The following ASCC3 variants were observed in gnomAD, a reference collection of about 807,000 sequenced individuals.
ASCC3 encodes ASC-1 complex subunit P200.
Under a neutral mutation model 256.3 loss-of-function variants are expected in ASCC3, and 158 were observed. The observed-to-expected ratio is 0.62, with a 90% CI of 0.54 to 0.70. The LOEUF (loss-of-function observed/expected upper bound fraction) is 0.70. Ranked by LOEUF, ASCC3 falls within the 30% of genes least tolerant of loss-of-function variation. The probability of loss-of-function intolerance (pLI) is 0.00; values close to 1 mark genes in which losing one functional copy is unlikely to be tolerated. For missense variants in ASCC3, 2,259 were observed against 2,626.0 expected (o/e 0.86, Z 3.05); for synonymous variants, 948 against 883.4 (o/e 1.07, Z -1.30).
chr6:100,582,924 CCA>C (rs1443047268), intron 36 of ASCC3, among the ~76,000 whole-genome samples: 1 of 152,078 alleles, frequency 6.6e-6, no homozygotes, highest in African/African-American at 2.4e-5. Context: ...GCCTTGCATC[CCA>C]GAGATGAAGC....
At chr6:100,793,600 T>A (rs1303116693) in intron 8 of ASCC3, among the ~76,000 whole-genome samples, 1 of 152,012 alleles carries the variant, frequency 6.6e-6, no homozygotes, top group African/African-American at 2.4e-5. Context: ...TTTCATAAAT[T>A]TCATGAGGAA....
intron 11 of ASCC3, among the ~76,000 whole-genome samples, chr6:100,723,909 T>C: frequency 7.0e-6 from 1 of 142,300 alleles, no homozygotes; most frequent in African/African-American, 2.6e-5. Flanking sequence ...TATAATTATA[T>C]ATATGACACA....
intron 4 of ASCC3, among the ~76,000 whole-genome samples, chr6:100,839,500 T>C (rs1235783033): frequency 6.6e-6 from 1 of 152,146 alleles, no homozygotes; most frequent in Non-Finnish European, 1.5e-5. Context: ...AATAATGCTT[T>C]TTTACCCACA....
At chr6:100,539,642 C>T (rs540884264) in intron 37 of ASCC3, among the ~76,000 whole-genome samples, 4 of 152,220 alleles carry the variant, frequency 2.6e-5, no homozygotes, top group South Asian at 4.1e-4. Context: ...AGAGACCCTA[C>T]GGTTCACTCT....
At chr6:100,837,769 G>A (rs1771946669) in intron 4 of ASCC3, among the ~76,000 whole-genome samples, 1 of 152,014 alleles carries the variant, frequency 6.6e-6, no homozygotes, top group African/African-American at 2.4e-5. Flanking sequence ...TTTGGCCAAT[G>A]GGTACGAAGT....
At chr6:100,622,804 T>A (rs902796284) in intron 30 of ASCC3, among the ~76,000 whole-genome samples, 2 of 151,968 alleles carry the variant, frequency 1.3e-5, no homozygotes, top group Non-Finnish European at 2.9e-5. Context: ...GATAAAGTTT[T>A]CTGCCGATAA....
intron 8 of ASCC3, among the ~76,000 whole-genome samples, chr6:100,768,131 T>C (rs765530072): frequency 8.3e-4 from 127 of 152,180 alleles, no homozygotes; most frequent in Non-Finnish European, 2.9e-4. Flanking sequence ...AAAAAACCTT[T>C]TTTTAAAACG....
At chr6:100,754,503 C>A (rs1392245189) in intron 10 of ASCC3, among the ~76,000 whole-genome samples, 1 of 152,058 alleles carries the variant, frequency 6.6e-6, no homozygotes, top group Non-Finnish European at 1.5e-5. Context: ...TTAAAATGTA[C>A]AATTAAATTA....
chr6:100,560,378 C>T lies in ASCC3; in HGVS notation c.5551-19991G>A, dbSNP rs144546667. Among the ~76,000 whole-genome samples the T allele has an allele frequency of 3.2e-3, 481 of 152,240 alleles. 2 individuals carry two copies. Among genetic ancestry groups the T allele is most frequent in the African/African-American group, 0.011 (457 of 41,546 alleles). On this transcript the variant is annotated intron_variant, in intron 36 of 41. Transcript: ENST00000369162. ...TTAAATTTGCAATCATGTATTTATACATCTAACAGAGCTTCTGTTTCCCCC... is the reference window on the plus strand; with the variant it reads ...TTAAATTTGCAATCATGTATTTATATATCTAACAGAGCTTCTGTTTCCCCC...
intron 8 of ASCC3, among the ~76,000 whole-genome samples, chr6:100,790,829 T>C (rs1045336461): frequency 6.6e-6 from 1 of 151,938 alleles, no homozygotes; most frequent in African/African-American, 2.4e-5. Context: ...ACTTTTTCTG[T>C]AGTTTAGCAG....
chr6:100,530,954 G>A lies in ASCC3; in HGVS notation c.5775+9209C>T, dbSNP rs1057277303. ...CTTCAGTACAGTGATTGCAAATCAC[G>A]TGTCTAATTATGATGAAGGAGCATG... On this transcript the variant is annotated intron_variant, in intron 37 of 41. Coordinates refer to ENST00000369162, the MANE Select transcript of ASCC3 (RefSeq NM_006828.4). 55 of 1,462,458 alleles carry A rather than the reference G, an allele frequency of 3.8e-5. No individual in the cohort carries two copies. The African/African-American group carries it at 4.4e-4, about 12-fold the overall frequency. The allele number at this position is 1,462,458 out of a possible 1,614,324, so 90.6% of individuals were successfully genotyped here. A position where few individuals can be genotyped will look rare whatever the true frequency, so the allele number is the denominator to read the frequency against.
At chr6:100,580,049 G>A (rs776659791) in intron 36 of ASCC3, among the ~76,000 whole-genome samples, 24 of 151,868 alleles carry the variant, frequency 1.6e-4, no homozygotes, top group Non-Finnish European at 3.1e-4. Context: ...TATCTCTTTC[G>A]TCAGTTGTAT....
At chr6:100,581,782 A>T (rs1771287146) in intron 36 of ASCC3, among the ~76,000 whole-genome samples, 1 of 151,672 alleles carries the variant, frequency 6.6e-6, no homozygotes, top group Non-Finnish European at 1.5e-5. Context: ...GAAGGGATCC[A>T]GTTTCAGCTT....
In ASCC3 at chr6:100,512,860, G is replaced by A. The variant is rs998057299; in HGVS notation, c.6134C>T (p.Ser2045Leu). 7 of 1,613,914 alleles carry A rather than the reference G, an allele frequency of 4.3e-6. No individual in the cohort carries two copies. The highest frequency in any genetic ancestry group is 2.2e-5 in the East Asian group (1 of 44,886). Residue 2045 changes from serine to leucine, a missense_variant, in exon 40 of 42, where the codon TCG becomes TTG. Physicochemically the swap from Ser to Leu is moderately radical, Grantham distance 145 (BLOSUM62 -2). Around this residue, in one of 2 missense-constraint regions of ASCC3, gnomAD observed 1,839 missense variants for 2,206.7 expected, o/e 0.83. Coordinates refer to ENST00000369162, the MANE Select transcript of ASCC3 (RefSeq NM_006828.4). ...VINVGISVKGSWDDLVEGHNE... is the reference protein window; with the variant it reads ...VINVGISVKGLWDDLVEGHNE... ...ATGTCCTTCAACTAAGTCATCCCAC[G>A]AGCCTTTAACACTTATGCCAACATT...
chr6:100,621,084 A>G (rs1773929840), intron 30 of ASCC3, among the ~76,000 whole-genome samples: 1 of 152,172 alleles, frequency 6.6e-6, no homozygotes, highest in Admixed American at 6.6e-5. Context: ...AATCAACCCA[A>G]ATGCCCATCA....
intron 30 of ASCC3, among the ~76,000 whole-genome samples, chr6:100,621,886 T>C (rs942845186): frequency 6.6e-6 from 1 of 152,104 alleles, no homozygotes; most frequent in African/African-American, 2.4e-5. Flanking sequence ...GGTACATATA[T>C]ACCATGGAAT....
chr6:100,780,503 C>G (rs1782391206), intron 8 of ASCC3, among the ~76,000 whole-genome samples: 1 of 152,084 alleles, frequency 6.6e-6, no homozygotes, highest in Admixed American at 6.5e-5. Context: ...ACTTGGGAGG[C>G]TAAAATGGAA....
intron 40 of ASCC3, among the ~76,000 whole-genome samples, chr6:100,511,498 G>A: frequency 6.6e-6 from 1 of 152,116 alleles, no homozygotes; most frequent in South Asian, 2.1e-4. Context: ...TTGGGAGGCA[G>A]AGGCAGGTGG....
rs1298941346 is a variant in ASCC3 at position 100,800,470 on chromosome 6, T to C, written c.957A>G (p.Lys319=). Residue 319 remains lysine, a synonymous_variant, in exon 6 of 42, where the codon AAA becomes AAG. Transcript: ENST00000369162. ...TAGTGACTTGACAACCATAATTGGG[T>C]TTAGCATTTTCTCCTAAAATTTTTT... ...NCKKILGENA[K]PNYGCQVTIQ... is the part of the protein sequence containing the mutation. 2 of 1,611,740 alleles carry C rather than the reference T, an allele frequency of 1.2e-6. No individual in the cohort carries two copies. The highest frequency in any genetic ancestry group is 1.7e-5 in the Admixed American group (1 of 59,798).
Sources: gnomAD v4.1 joint callset for allele counts (sites outside exome capture counted in the v4.1 genomes callset) on GRCh38, gnomAD v4.1.1 for gene constraint, gnomAD v4.1.1 regional missense constraint, MANE v1.5 for transcripts, NCBI Gene and HGNC (gene_info 2026-07-23, HGNC 2026-07-21) for gene names.